UTRN: variants seen among roughly 807,000 people sequenced by gnomAD.
UTRN encodes the protein dystrophin-related protein 1.
UTRN carries 283 observed loss-of-function variants against 463.9 expected under a neutral mutation model. The observed-to-expected ratio is 0.61, with a 90% CI of 0.55 to 0.67. The LOEUF is 0.67. Among genes scored for constraint, UTRN ranks in the 30% least tolerant of loss-of-function variants. The pLI, the probability that UTRN is intolerant of heterozygous loss-of-function variation, is 0.00. For missense variants in UTRN, 3,922 were observed against 4,084.3 expected, an observed-to-expected ratio of 0.96 and a Z score of 1.08; for synonymous variants, 1,442 against 1,431.5, an observed-to-expected ratio of 1.01 and a Z score of -0.17.
chr6:144,354,967 C>T (rs144559721), intron 2 of UTRN, among the ~76,000 whole-genome samples: 5 of 152,236 alleles, frequency 3.3e-5, no homozygotes, highest in Non-Finnish European at 7.4e-5. Flanking sequence ...AGACCATGAG[C>T]CTGAAGAAAG....
intron 54 of UTRN, among the ~76,000 whole-genome samples, chr6:144,734,546 G>A (rs1416126902): frequency 1.3e-5 from 2 of 152,088 alleles, no homozygotes; most frequent in Admixed American, 6.5e-5. Flanking sequence ...CTTCTGGGTT[G>A]CTCGGGCTAA....
At chr6:144,557,069 G>T in intron 49 of UTRN, 88 bp from the exon 50 acceptor site, 1 of 1,481,964 alleles carries the variant, frequency 6.7e-7, no homozygotes, top group Non-Finnish European at 9.1e-7. Context: ...TCTAAAGCAT[G>T]TCAAAATCTG....
intron 52 of UTRN, among the ~76,000 whole-genome samples, chr6:144,697,097 A>T (rs887286275): frequency 1.3e-5 from 2 of 152,184 alleles, no homozygotes; most frequent in South Asian, 2.1e-4. Context: ...GTAAAAAATG[A>T]TTCAATTTTA....
chr6:144,826,106 C>A (rs547051458), intron 66 of UTRN, among the ~76,000 whole-genome samples: 1 of 150,408 alleles, frequency 6.6e-6, no homozygotes, highest in African/African-American at 2.5e-5. Context: ...ATGTAACAAA[C>A]CTGCATGTTG....
chr6:144,543,712 G>C (rs1333597749), intron 46 of UTRN, among the ~76,000 whole-genome samples: 2 of 151,048 alleles, frequency 1.3e-5, no homozygotes, highest in Non-Finnish European at 3.0e-5. Context: ...TTTTTGGGAG[G>C]GTTCTTTTTA....
intron 51 of UTRN, among the ~76,000 whole-genome samples, chr6:144,627,807 T>G (rs935468170): frequency 3.3e-5 from 5 of 149,286 alleles, no homozygotes; most frequent in Admixed American, 2.0e-4. Context: ...TTTTTTTTTT[T>G]TTTTTTTTTT....
intron 3 of UTRN, among the ~76,000 whole-genome samples, chr6:144,409,594 A>G (rs1454884852): frequency 6.6e-6 from 1 of 152,112 alleles, no homozygotes; most frequent in Non-Finnish European, 1.5e-5. Context: ...GAAGTAAGGT[A>G]TCAAGAGGGG....
At chr6:144,330,931 T>A (rs1162953932) in intron 2 of UTRN, 1 of 985,322 alleles carries the variant, frequency 1.0e-6, no homozygotes, top group Non-Finnish European at 1.2e-6. Context: ...TTGGGAGTCT[T>A]AACTACATTT....
rs57311494 is a variant in UTRN at position 144,493,489 on chromosome 6, GTCTCTCTC to G, written c.4593+46_4593+53del. The G allele has an allele frequency of 5.6e-3, 8,438 of 1,511,282 alleles. 383 individuals are homozygous for G. In the African/African-American group the frequency reaches 0.1, roughly 19 times the overall value. The allele number at this position is 1,511,282 out of a possible 1,614,324, so 93.6% of individuals were successfully genotyped here. A position where few individuals can be genotyped will look rare whatever the true frequency, so the allele number is the denominator to read the frequency against. On this transcript the variant is annotated intron_variant, in intron 33 of 74. Coordinates refer to ENST00000367545, the MANE Select transcript of UTRN (RefSeq NM_007124.3). ...GAGCAGCCCCACAGCTCATCTCTCT[GTCTCTCTC>G]TCTCTCTCTCTCAATCTCTCTCTCT...
At chr6:144,780,245 TTTTATATGTATATAACC>T (rs1299135259) in intron 60 of UTRN, among the ~76,000 whole-genome samples, 1 of 152,156 alleles carries the variant, frequency 6.6e-6, no homozygotes, top group East Asian at 1.9e-4. Context: ...AAGAAGTTGG[TTTTATATGTATATAACC>T]TTATTTTTTC....
chr6:144,549,546 C>T (rs191600113), intron 47 of UTRN, among the ~76,000 whole-genome samples: 6 of 152,216 alleles, frequency 3.9e-5, no homozygotes, highest in Non-Finnish European at 7.4e-5. Flanking sequence ...AAGTCCACAC[C>T]GAGGCAGAGG....
intron 52 of UTRN, among the ~76,000 whole-genome samples, chr6:144,678,868 A>C (rs73599519): frequency 0.019 from 2,831 of 152,244 alleles, 79 homozygotes; most frequent in African/African-American, 0.063. Context: ...CTGAGTGTTT[A>C]CCTTGACTAA....
intron 72 of UTRN, among the ~76,000 whole-genome samples, chr6:144,839,904 T>C (rs2128762287): frequency 6.6e-6 from 1 of 152,336 alleles, no homozygotes; most frequent in East Asian, 1.9e-4. Context: ...ACCAAATTAA[T>C]TTCTTGGTGG....
chr6:144,729,967 TATCATTGG>T (rs1788342126), intron 53 of UTRN, among the ~76,000 whole-genome samples: 1 of 152,262 alleles, frequency 6.6e-6, no homozygotes. Context: ...CCTTTCTCTG[TATCATTGG>T]ATGTAATTTT....
At chr6:144,396,197 A>G (rs114483466) in intron 2 of UTRN, among the ~76,000 whole-genome samples, 400 of 152,144 alleles carry the variant, frequency 2.6e-3, no homozygotes, top group African/African-American at 8.8e-3. Context: ...TTACCCTTAT[A>G]AAAGAATGAA....
chr6:144,850,280 TA>T (rs1365493252), intron 74 of UTRN, among the ~76,000 whole-genome samples: 4 of 152,192 alleles, frequency 2.6e-5, no homozygotes. Context: ...GGGAGCAGGA[TA>T]AAGTCCCCCA....
chr6:144,506,545 T>A (rs748597481), intron 34 of UTRN, among the ~76,000 whole-genome samples: 3 of 152,216 alleles, frequency 2.0e-5, no homozygotes, highest in Non-Finnish European at 4.4e-5. Flanking sequence ...GATATGAAAT[T>A]CTGGGTTGAA....
At chr6:144,748,905 C>A (rs12663053) in intron 55 of UTRN, among the ~76,000 whole-genome samples, 1 of 152,010 alleles carries the variant, frequency 6.6e-6, no homozygotes, top group African/African-American at 2.4e-5. Context: ...TGTATTGATT[C>A]CCAGAGCCTG....
intron 40 of UTRN, among the ~76,000 whole-genome samples, chr6:144,522,582 C>G (rs995187988): frequency 1.3e-5 from 2 of 152,102 alleles, no homozygotes; most frequent in Non-Finnish European, 2.9e-5. Flanking sequence ...TAAATTCTAG[C>G]AAGGCATTTT....
Sources: allele counts gnomAD v4.1 joint callset (sites outside exome capture counted in the v4.1 genomes callset), GRCh38; gene constraint gnomAD v4.1.1; transcripts MANE v1.5; gene names NCBI Gene and HGNC (gene_info 2026-07-23, HGNC 2026-07-21).